SLC39A11: variants seen among roughly 807,000 people sequenced by gnomAD.
SLC39A11 encodes solute carrier family 39 member 11.
SLC39A11 carries 33 observed loss-of-function variants against 36.1 expected under a neutral mutation model. The ratio of observed to expected loss-of-function variants is 0.91; its 90% CI spans 0.69 to 1.22. SLC39A11 has a LOEUF of 1.22. Among genes scored for constraint, SLC39A11 ranks in the 50% most tolerant of loss-of-function variants. The probability of loss-of-function intolerance (pLI) is 0.00; values close to 1 mark genes in which losing one functional copy is unlikely to be tolerated. For synonymous variants in SLC39A11, 166 were observed against 170.3 expected (o/e 0.97, Z 0.20); for missense variants, 432 against 430.3 (o/e 1.00, Z -0.03).
At chr17:72,792,353 G>C (rs1568100790) in intron 6 of SLC39A11, among the ~76,000 whole-genome samples, 1 of 152,188 alleles carries the variant, frequency 6.6e-6, no homozygotes, top group Non-Finnish European at 1.5e-5. Context: ...CAGTGAGGTA[G>C]AACCCAGAAA....
At chr17:72,907,438 C>G (rs1441714255) in intron 5 of SLC39A11, among the ~76,000 whole-genome samples, 1 of 152,076 alleles carries the variant, frequency 6.6e-6, no homozygotes, top group Admixed American at 6.6e-5. Flanking sequence ...TGCAGTGAGC[C>G]GATATCACAC....
At chr17:72,739,216 C>G (rs1482896735) in intron 6 of SLC39A11, among the ~76,000 whole-genome samples, 1 of 151,864 alleles carries the variant, frequency 6.6e-6, no homozygotes, top group Admixed American at 6.6e-5. Context: ...CAACCCCCAC[C>G]TCCTGGGTTC....
chr17:72,699,079 T>C (rs1261749632), intron 7 of SLC39A11, among the ~76,000 whole-genome samples: 1 of 152,166 alleles, frequency 6.6e-6, no homozygotes, highest in Non-Finnish European at 1.5e-5. Context: ...TCTGCCCGCC[T>C]TGGCCTCCCA....
At chr17:72,906,721 T>A (rs977006180) in intron 5 of SLC39A11, among the ~76,000 whole-genome samples, 16 of 152,140 alleles carry the variant, frequency 1.1e-4, no homozygotes, top group Non-Finnish European at 2.4e-4. Context: ...CTTAAACAAA[T>A]CCGATTAAAG....
intron 5 of SLC39A11, among the ~76,000 whole-genome samples, chr17:72,872,238 T>C (rs1455309966): frequency 1.3e-5 from 2 of 152,136 alleles, no homozygotes; most frequent in African/African-American, 4.8e-5. Flanking sequence ...ACAGACCCTC[T>C]GGGGTGTGTC....
intron 7 of SLC39A11, among the ~76,000 whole-genome samples, chr17:72,662,281 A>G (rs2070461406): frequency 1.3e-5 from 2 of 150,332 alleles, no homozygotes; most frequent in Admixed American, 1.3e-4. Context: ...GAAAGAAAAG[A>G]AAGGAAGAAA....
intron 2 of SLC39A11, 43 bp downstream of exon 2, chr17:73,088,614 C>A: frequency 1.3e-6 from 2 of 1,510,800 alleles, no homozygotes; most frequent in Admixed American, 1.8e-5. Flanking sequence ...CCTTTACCAA[C>A]GGGCTCCCCA....
In SLC39A11 at chr17:73,023,226, TA is replaced by T. The variant is rs57999699; in HGVS notation, c.306+8329del. ...TCTACCATCTTTCAATCACAGTGCC[TA>T]AAAAAAAAAAAAGATGTTACCCTGG... On this transcript the variant is annotated intron_variant, in intron 4 of 9. Transcript: ENST00000255559. Among the ~76,000 whole-genome samples, 699 of 141,930 alleles carry T rather than the reference TA, an allele frequency of 4.9e-3. 1 individual carries two copies. The highest frequency in any genetic ancestry group is 0.019 in the East Asian group (93 of 4,912). 93.1% of individuals were successfully genotyped at this position (141,930 alleles called of 152,430 possible).
chr17:73,055,250 G>A (rs774220455), intron 3 of SLC39A11, among the ~76,000 whole-genome samples: 9 of 152,032 alleles, frequency 5.9e-5, no homozygotes, highest in Non-Finnish European at 1.0e-4. Flanking sequence ...GTGACATTGG[G>A]GTGGGGCAGA....
intron 5 of SLC39A11, among the ~76,000 whole-genome samples, chr17:72,905,407 C>T (rs1000959990): frequency 3.3e-5 from 5 of 151,444 alleles, no homozygotes; most frequent in Non-Finnish European, 5.9e-5. Flanking sequence ...ACCCGCCTGG[C>T]CAACATGGTA....
intron 4 of SLC39A11, among the ~76,000 whole-genome samples, chr17:72,962,016 C>G (rs2147934730): frequency 6.6e-6 from 1 of 152,288 alleles, no homozygotes; most frequent in South Asian, 2.1e-4. Flanking sequence ...CAACTTGGAG[C>G]AGAATTCATT....
At chr17:72,977,729 C>A (rs1006199694) in intron 4 of SLC39A11, among the ~76,000 whole-genome samples, 4 of 152,158 alleles carry the variant, frequency 2.6e-5, no homozygotes, top group Non-Finnish European at 5.9e-5. Context: ...AACAGAAACA[C>A]CCCCACACAG....
At chr17:72,895,426 A>G (rs1464846087) in intron 5 of SLC39A11, among the ~76,000 whole-genome samples, 1 of 152,178 alleles carries the variant, frequency 6.6e-6, no homozygotes, top group Non-Finnish European at 1.5e-5. Context: ...TAAAAACACA[A>G]AAATCAGCTG....
intron 7 of SLC39A11, among the ~76,000 whole-genome samples, chr17:72,725,805 G>A (rs926924721): frequency 5.3e-5 from 8 of 152,300 alleles, no homozygotes; most frequent in Non-Finnish European, 1.2e-4. Flanking sequence ...TTCCAGACAG[G>A]GTAGTGTGAT....
intron 5 of SLC39A11, among the ~76,000 whole-genome samples, chr17:72,894,091 G>A (rs1055169857): frequency 1.3e-5 from 2 of 152,094 alleles, no homozygotes; most frequent in Non-Finnish European, 1.5e-5. Flanking sequence ...GTTGGGCATG[G>A]TGGCTCACAT....
At chr17:72,977,850 G>C (rs958294736) in intron 4 of SLC39A11, among the ~76,000 whole-genome samples, 1 of 152,212 alleles carries the variant, frequency 6.6e-6, no homozygotes, top group Admixed American at 6.5e-5. Context: ...GTGGCCTGGA[G>C]AGCACGGCCA....
intron 7 of SLC39A11, among the ~76,000 whole-genome samples, chr17:72,723,164 A>G (rs1232272842): frequency 6.6e-6 from 1 of 152,176 alleles, no homozygotes; most frequent in Non-Finnish European, 1.5e-5. Context: ...TGAGGCACAT[A>G]CAGTAAGGGC....
At chr17:72,797,418 C>G (rs191939762) in intron 6 of SLC39A11, among the ~76,000 whole-genome samples, 1 of 152,102 alleles carries the variant, frequency 6.6e-6, no homozygotes, top group East Asian at 1.9e-4. Context: ...AGTGTCTCTC[C>G]TTCCTCCTCC....
chr17:72,959,325 GTATATATATA>G (rs1186282631), intron 4 of SLC39A11, among the ~76,000 whole-genome samples: 13,841 of 65,868 alleles, frequency 0.21, 1,106 homozygotes, highest in South Asian at 0.38. Flanking sequence ...GTGTGTGTGT[GTATATATATA>G]TATATATATA....
Sources: gnomAD v4.1 joint callset for allele counts (sites outside exome capture counted in the v4.1 genomes callset) on GRCh38, gnomAD v4.1.1 for gene constraint, MANE v1.5 for transcripts, NCBI Gene and HGNC (gene_info 2026-07-23, HGNC 2026-07-21) for gene names.